Variants in CNIH3 observed in about 807,000 individuals in gnomAD.
The protein encoded by CNIH3 is protein cornichon homolog 3.
In CNIH3, 14 loss-of-function variants were observed where a neutral mutation model predicts 24.1. The ratio of observed to expected loss-of-function variants is 0.58; its 90% confidence interval spans 0.38 to 0.91. CNIH3 has a LOEUF of 0.91. Among genes scored for constraint, CNIH3 ranks in the 40% least tolerant of loss-of-function variants. CNIH3 has a pLI of 0.00. For missense variants in CNIH3, 178 were observed against 196.8 expected (o/e 0.90, Z 0.57); for synonymous variants, 68 against 73.8 (o/e 0.92, Z 0.40).
chr1:224,557,260 C>G (rs1373183552), intron 3 of CNIH3, among the ~76,000 whole-genome samples: 2 of 152,060 alleles, frequency 1.3e-5, no homozygotes, highest in African/African-American at 4.8e-5. Flanking sequence ...GTTGCTCAGG[C>G]TGGTCTCAAA....
intron 3 of CNIH3, among the ~76,000 whole-genome samples, chr1:224,706,090 C>T (rs1381262334): frequency 2.0e-5 from 3 of 152,100 alleles, no homozygotes; most frequent in African/African-American, 4.8e-5. Context: ...GTTATGAGTC[C>T]AACACCAGTG....
At chr1:224,579,533 G>C in intron 4 of CNIH3, among the ~76,000 whole-genome samples, 1 of 152,342 alleles carries the variant, frequency 6.6e-6, no homozygotes, top group East Asian at 1.9e-4. Flanking sequence ...AAGTCTGGCT[G>C]ACAATGTCTA....
chr1:224,505,027 TCC>T (rs1677844524), intron 1 of CNIH3, among the ~76,000 whole-genome samples: 1 of 48,464 alleles, frequency 2.1e-5, no homozygotes, highest in Non-Finnish European at 3.7e-5. Flanking sequence ...CCTCCCTCCC[TCC>T]CTCCCTTCCT....
intron 1 of CNIH3, among the ~76,000 whole-genome samples, chr1:224,489,449 C>T (rs978070050): frequency 6.6e-6 from 1 of 152,088 alleles, no homozygotes; most frequent in Non-Finnish European, 1.5e-5. Context: ...TTTTAGCTGC[C>T]CTGCATAGTG....
At chr1:224,735,189 G>A (rs1401781693) in intron 5 of CNIH3, among the ~76,000 whole-genome samples, 2 of 152,100 alleles carry the variant, frequency 1.3e-5, no homozygotes, top group Non-Finnish European at 2.9e-5. Flanking sequence ...TTCATAAAGT[G>A]GCATTTTGTG....
At chr1:224,455,436 A>G (rs1000562425) in intron 1 of CNIH3, among the ~76,000 whole-genome samples, 11 of 152,200 alleles carry the variant, frequency 7.2e-5, no homozygotes, top group African/African-American at 2.2e-4. Flanking sequence ...GAATGGCCTA[A>G]TGAAGTAGAA....
intron 1 of CNIH3, among the ~76,000 whole-genome samples, chr1:224,679,331 C>T (rs2125141546): frequency 6.6e-6 from 1 of 152,174 alleles, no homozygotes; most frequent in African/African-American, 2.4e-5. Flanking sequence ...CAGAGTGAGA[C>T]TCTGTCTCAA....
At chr1:224,633,402 G>A (rs1683926404) in intron 1 of CNIH3, among the ~76,000 whole-genome samples, 1 of 152,162 alleles carries the variant, frequency 6.6e-6, no homozygotes, top group African/African-American at 2.4e-5. Flanking sequence ...CAAGTGATCC[G>A]CCTGTCTCGG....
intron 3 of CNIH3, among the ~76,000 whole-genome samples, chr1:224,555,441 C>T (rs1680096576): frequency 6.6e-6 from 1 of 152,100 alleles, no homozygotes; most frequent in African/African-American, 2.4e-5. Context: ...AGGCCCCTAA[C>T]CTGCACAATA....
rs917034460 is a variant in CNIH3 at position 224,703,359 on chromosome 1, G to T, written c.198+18516G>T. 6.6e-6 allele frequency among the ~76,000 whole-genome samples: 1 copy of T among 152,008 alleles called. No homozygotes were observed. Among genetic ancestry groups the T allele is most frequent in the Admixed American group, 6.6e-5 (1 of 15,256 alleles). ...TTAGCAGAGGGGCTCAAACTTTGCCGCACATTAGAATCACCTGGGGGAAAT... is the reference window on the plus strand; with the variant it reads ...TTAGCAGAGGGGCTCAAACTTTGCCTCACATTAGAATCACCTGGGGGAAAT... On this transcript the variant is annotated intron_variant, in intron 3 of 5. Transcript: ENST00000272133. The surrounding 1 kb of genome is among the most constrained non-coding windows in gnomAD (Gnocchi z 4.2).
chr1:224,705,850 C>CTTTTTTTTTTTTT (rs61128987), intron 3 of CNIH3, among the ~76,000 whole-genome samples: 7 of 90,204 alleles, frequency 7.8e-5, no homozygotes, highest in South Asian at 4.3e-4. Context: ...TCTTTCTTTT[C>CTTTTTTTTTTTTT]TTTTTTTTCT....
intron 3 of CNIH3, among the ~76,000 whole-genome samples, chr1:224,699,510 G>A (rs2125170878): frequency 6.6e-6 from 1 of 152,272 alleles, no homozygotes; most frequent in African/African-American, 2.4e-5. Context: ...GGTTCCTTCT[G>A]AGGGTTCTCT....
At position 224,739,628 on chromosome 1, in the gene CNIH3, T is replaced by A; in HGVS notation, c.*272T>A. 1 of 553,344 alleles carries A rather than the reference T, an allele frequency of 1.8e-6. No individual in the cohort carries two copies. 34.3% of individuals were successfully genotyped at this position (553,344 alleles called of 1,614,324 possible). On this transcript the variant is annotated 3_prime_UTR_variant, in exon 6 of 6. Transcript: ENST00000272133. ...TCTGAGCATCAGTGGTGTGGGGGAG[T>A]AGGTGACGAAACACTAGACCTCTCC...
chr1:224,556,826 G>T (rs1680159942), intron 3 of CNIH3, among the ~76,000 whole-genome samples: 1 of 152,130 alleles, frequency 6.6e-6, no homozygotes, highest in Non-Finnish European at 1.5e-5. Context: ...CCTGCGGGTT[G>T]GGGATCCCTG....
intron 3 of CNIH3, among the ~76,000 whole-genome samples, chr1:224,708,970 A>AAAACG (rs1687979113): frequency 6.6e-6 from 1 of 152,234 alleles, no homozygotes; most frequent in Admixed American, 6.5e-5. Flanking sequence ...AAAACAAAAC[A>AAAACG]AAACAGAACA....
chr1:224,490,820 A>G (rs1677210971), intron 1 of CNIH3, among the ~76,000 whole-genome samples: 1 of 152,246 alleles, frequency 6.6e-6, no homozygotes, highest in African/African-American at 2.4e-5. Flanking sequence ...TCCCAGAATC[A>G]CAGCAGGTTC....
At chr1:224,730,328 C>CTA in intron 3 of CNIH3, 134 bp from the exon 4 acceptor site, 1 of 625,174 alleles carries the variant, frequency 1.6e-6, no homozygotes, top group South Asian at 1.9e-5. Context: ...GGCAGTGGCT[C>CTA]TACGTTGCTG....
chr1:224,502,628 C>T (rs566295019), intron 1 of CNIH3, among the ~76,000 whole-genome samples: 1 of 152,242 alleles, frequency 6.6e-6, no homozygotes, highest in African/African-American at 2.4e-5. Flanking sequence ...GGGGCCCGTG[C>T]CAGGGGAATG....
At chr1:224,485,351 C>G (rs909031826) in intron 1 of CNIH3, among the ~76,000 whole-genome samples, 1 of 152,204 alleles carries the variant, frequency 6.6e-6, no homozygotes, top group South Asian at 2.1e-4. Flanking sequence ...AGAAGAGAAG[C>G]TCCTTTGTAG....
Sources: gnomAD v4.1 joint callset for allele counts (sites outside exome capture counted in the v4.1 genomes callset) on GRCh38, gnomAD v4.1.1 for gene constraint, Gnocchi (gnomAD v3.1) non-coding constraint, MANE v1.5 for transcripts, NCBI Gene and HGNC (gene_info 2026-07-23, HGNC 2026-07-21) for gene names.